RSPO2: variants seen among roughly 807,000 people sequenced by gnomAD.
RSPO2 encodes the protein R-spondin-2.
In RSPO2, 14 loss-of-function variants were observed where a neutral mutation model predicts 30.9. The observed-to-expected ratio is 0.45, with a 90% confidence interval of 0.30 to 0.71. The LOEUF is 0.71. RSPO2 is among the 30% of genes least tolerant of loss of function. The pLI, the probability that RSPO2 is intolerant of heterozygous loss-of-function variation, is 0.08. For synonymous variants in RSPO2, 107 were observed against 96.4 expected (o/e 1.11, Z -0.64); for missense variants, 264 against 301.9 (o/e 0.87, Z 0.93).
At chr8:108,051,726 G>C (rs1812085113) in intron 2 of RSPO2, among the ~76,000 whole-genome samples, 2 of 152,168 alleles carry the variant, frequency 1.3e-5, no homozygotes, top group Admixed American at 1.3e-4. Context: ...CCTTCAACAT[G>C]AGGCCCAGAA....
rs1187273061 is a variant in RSPO2 at position 108,021,859 on chromosome 8, G to A, written c.95-32615C>T. On this transcript the variant is annotated intron_variant, in intron 2 of 5. Coordinates refer to ENST00000276659, the MANE Select transcript of RSPO2 (RefSeq NM_178565.5). ...TAAAACCTAGATGATGGGTTGATGG[G>A]TGCAGCAAATCACCATGGCACATGT... Among the ~76,000 whole-genome samples, 3 of 151,990 alleles carry A rather than the reference G, an allele frequency of 2.0e-5. No individual in the cohort carries two copies. The East Asian group carries it at 5.8e-4, about 29-fold the overall frequency.
intron 2 of RSPO2, among the ~76,000 whole-genome samples, chr8:108,016,192 G>A (rs1196493963): frequency 6.6e-6 from 1 of 152,064 alleles, no homozygotes; most frequent in Non-Finnish European, 1.5e-5. Context: ...TGGCATATAG[G>A]GTCTCAAATA....
At chr8:107,910,019 A>G (rs1811772169) in intron 5 of RSPO2, among the ~76,000 whole-genome samples, 1 of 152,162 alleles carries the variant, frequency 6.6e-6, no homozygotes, top group South Asian at 2.1e-4. Flanking sequence ...CTCATTTGGC[A>G]CTCCTAAATT....
intron 2 of RSPO2, among the ~76,000 whole-genome samples, chr8:108,069,065 A>C (rs1448699744): frequency 6.6e-6 from 1 of 152,244 alleles, no homozygotes; most frequent in Non-Finnish European, 1.5e-5. Context: ...TCTTGAATCT[A>C]GGTAAATATT....
intron 2 of RSPO2, among the ~76,000 whole-genome samples, chr8:108,028,674 G>T (rs1466941916): frequency 6.6e-5 from 10 of 152,186 alleles, no homozygotes; most frequent in Admixed American, 6.6e-4. Flanking sequence ...TCCTGTGGTT[G>T]TCTACACTGT....
At chr8:107,912,171 C>T (rs1004978476) in intron 5 of RSPO2, among the ~76,000 whole-genome samples, 7 of 152,078 alleles carry the variant, frequency 4.6e-5, no homozygotes, top group African/African-American at 1.7e-4. Flanking sequence ...AAAGTTTAAA[C>T]CTGTGGTTCC....
intron 5 of RSPO2, among the ~76,000 whole-genome samples, chr8:107,909,259 GTTTTT>G (rs11292252): frequency 1.1e-5 from 1 of 91,616 alleles, no homozygotes. Flanking sequence ...TTTCCCAGTT[GTTTTT>G]TTTTTTTTTT....
At chr8:108,066,800 T>C (rs1205972180) in intron 2 of RSPO2, among the ~76,000 whole-genome samples, 3 of 152,174 alleles carry the variant, frequency 2.0e-5, no homozygotes, top group African/African-American at 7.2e-5. Flanking sequence ...CTAATGAAAC[T>C]GTTAATTCAG....
intron 5 of RSPO2, among the ~76,000 whole-genome samples, chr8:107,953,428 T>C (rs1415577444): frequency 1.3e-5 from 2 of 152,204 alleles, no homozygotes; most frequent in Non-Finnish European, 2.9e-5. Flanking sequence ...CTCAACACTT[T>C]GGCCCTTATG....
At chr8:107,915,354 C>T (rs574827534) in intron 5 of RSPO2, among the ~76,000 whole-genome samples, 9 of 152,122 alleles carry the variant, frequency 5.9e-5, no homozygotes, top group Middle Eastern at 3.4e-3. Context: ...CTGCCAACAC[C>T]TTCTTCCTTC....
intron 3 of RSPO2, among the ~76,000 whole-genome samples, chr8:107,961,954 A>G (rs966117272): frequency 6.6e-6 from 1 of 152,124 alleles, no homozygotes; most frequent in Non-Finnish European, 1.5e-5. Flanking sequence ...AAATAAATAC[A>G]CTCTTAACTA....
intron 5 of RSPO2, among the ~76,000 whole-genome samples, chr8:107,927,115 C>A (rs540614067): frequency 2.9e-4 from 44 of 152,196 alleles, no homozygotes; most frequent in South Asian, 1.2e-3. Context: ...CCTTCACATC[C>A]CTTGTAAGTT....
intron 2 of RSPO2, among the ~76,000 whole-genome samples, chr8:108,043,190 C>T (rs1811807882): frequency 6.6e-6 from 1 of 152,078 alleles, no homozygotes; most frequent in African/African-American, 2.4e-5. Context: ...ATAAATGGGG[C>T]TTTTAAACCT....
rs547852950 is a variant in RSPO2, at chr8:107,941,027, C to A, written c.616+17053G>T. On this transcript the variant is annotated intron_variant, in intron 5 of 5. Transcript: ENST00000276659. ...ATATACCTTTTCAAATCTTGAATCA[C>A]TTCATTATCACAGCTCATGGTTTTA... 2.6e-5 allele frequency among the ~76,000 whole-genome samples: 4 copies of A among 152,152 alleles called. No individual in the cohort carries two copies. In the South Asian group the frequency reaches 8.3e-4, roughly 32 times the overall value.
At chr8:107,912,948 C>T (rs1811867742) in intron 5 of RSPO2, among the ~76,000 whole-genome samples, 2 of 152,246 alleles carry the variant, frequency 1.3e-5, no homozygotes, top group South Asian at 4.1e-4. Context: ...TAAAATATCC[C>T]TATGAAATAC....
chr8:108,054,748 T>C (rs552031243), intron 2 of RSPO2, among the ~76,000 whole-genome samples: 5 of 152,276 alleles, frequency 3.3e-5, no homozygotes, highest in Admixed American at 3.3e-4. Flanking sequence ...CTGGCAAGCA[T>C]ACGCCTTCCA....
intron 2 of RSPO2, among the ~76,000 whole-genome samples, chr8:108,026,574 A>G (rs1367836001): frequency 6.6e-6 from 1 of 152,180 alleles, no homozygotes; most frequent in Non-Finnish European, 1.5e-5. Context: ...AGTATAGTAA[A>G]ATACTAACAA....
intron 5 of RSPO2, among the ~76,000 whole-genome samples, chr8:107,921,162 C>T (rs759421897): frequency 3.9e-5 from 6 of 151,914 alleles, no homozygotes; most frequent in Non-Finnish European, 8.8e-5. Context: ...ATAGATTATA[C>T]AGCTATTAAT....
chr8:107,913,404 A>AT (rs1276957584), intron 5 of RSPO2, among the ~76,000 whole-genome samples: 1 of 152,194 alleles, frequency 6.6e-6, no homozygotes, highest in African/African-American at 2.4e-5. Context: ...AGACGAGGAT[A>AT]ACCAATGGTA....
Sources: gnomAD v4.1 joint callset for allele counts (sites outside exome capture counted in the v4.1 genomes callset) on GRCh38, gnomAD v4.1.1 for gene constraint, MANE v1.5 for transcripts, NCBI Gene and HGNC (gene_info 2026-07-23, HGNC 2026-07-21) for gene names.